ITPR2: variants seen among roughly 807,000 people sequenced by gnomAD.
The protein encoded by ITPR2 is inositol 1,4,5-trisphosphate-gated calcium channel ITPR2.
Under a neutral mutation model 317.1 loss-of-function variants are expected in ITPR2, and 207 were observed. That is an observed-to-expected ratio of 0.65 (90% CI 0.58 to 0.73). ITPR2 has a LOEUF of 0.73. ITPR2 is among the 30% of genes least tolerant of loss of function. The probability of loss-of-function intolerance (pLI) is 0.00; values close to 1 mark genes in which losing one functional copy is unlikely to be tolerated. For missense variants in ITPR2, 2,613 were observed against 3,284.0 expected (o/e 0.80, Z 4.99); for synonymous variants, 1,156 against 1,149.1 (o/e 1.01, Z -0.12).
Position 26,483,782 on chromosome 12 carries a change from G to A in ITPR2, c.5928C>T (p.Tyr1976=), listed in dbSNP as rs774709864. The A allele has an allele frequency of 9.9e-6, 16 of 1,614,004 alleles. No individual in the cohort carries two copies. In the East Asian group the frequency reaches 3.3e-4, roughly 34 times the overall value. ...CCAGCGCTACATTCTTCTCATTGAT[G>A]TAGAGACCCAACAGGCCCAGGCCAC... The part of the protein sequence containing the change: ...TTGGLGLLGL[Y]INEKNVALVN... Residue 1976 remains tyrosine (Y), a synonymous_variant, in exon 42 of 57, where the codon TAC becomes TAT. Transcript: ENST00000381340.
chr12:26,778,247 A>C (rs753544781), intron 2 of ITPR2, among the ~76,000 whole-genome samples: 1 of 152,164 alleles, frequency 6.6e-6, no homozygotes, highest in Non-Finnish European at 1.5e-5. Context: ...TAAATCAAAA[A>C]CAATATTGCA....
chr12:26,818,120 G>A (rs1412658295), intron 1 of ITPR2, among the ~76,000 whole-genome samples: 2 of 152,124 alleles, frequency 1.3e-5, no homozygotes, highest in African/African-American at 2.4e-5. Flanking sequence ...TGTGGTTATT[G>A]TTTAGAATTT....
chr12:26,428,586 A>G (rs1361966820), intron 48 of ITPR2, among the ~76,000 whole-genome samples: 1 of 152,194 alleles, frequency 6.6e-6, no homozygotes, highest in Non-Finnish European at 1.5e-5. Flanking sequence ...ACTGCTAAAT[A>G]CACATACATA....
At chr12:26,506,930 T>C (rs961082262) in intron 37 of ITPR2, among the ~76,000 whole-genome samples, 1 of 151,082 alleles carries the variant, frequency 6.6e-6, no homozygotes, top group Non-Finnish European at 1.5e-5. Context: ...TATGTTTGAA[T>C]GTGTCATAAT....
chr12:26,517,234 G>T (rs1390140996), intron 37 of ITPR2, among the ~76,000 whole-genome samples: 1 of 152,124 alleles, frequency 6.6e-6, no homozygotes, highest in African/African-American at 2.4e-5. Flanking sequence ...ACAGCCAAAA[G>T]AAACTATCAA....
At position 26,454,402 on chromosome 12, in the gene ITPR2, CA is replaced by C. The variant is rs565235156; in HGVS notation, c.6343-10753del. 3.5e-4 allele frequency among the ~76,000 whole-genome samples: 53 copies of C among 152,206 alleles called. No individual in the cohort carries two copies. In the East Asian group the frequency reaches 8.3e-3, roughly 24 times the overall value. On this transcript the variant is annotated intron_variant, in intron 45 of 56. Transcript: ENST00000381340. ...TGTATTTTTAGTAGAGATGGGGTTT[CA>C]CCATATTGGCCAGGATGGTCTCGAG...
At chr12:26,413,499 A>C (rs1021797) in intron 51 of ITPR2, among the ~76,000 whole-genome samples, 7,304 of 152,340 alleles carry the variant, frequency 0.048, 252 homozygotes, top group South Asian at 0.091. Context: ...GAATAAACTT[A>C]GCACTATGTA....
At chr12:26,554,989 T>C (rs374270292) in intron 36 of ITPR2, among the ~76,000 whole-genome samples, 70 of 151,072 alleles carry the variant, frequency 4.6e-4, no homozygotes, top group South Asian at 2.9e-3. Context: ...TCATCAGTTG[T>C]ACACTCAGGG....
chr12:26,570,269 G>C (rs975698446), intron 34 of ITPR2, among the ~76,000 whole-genome samples: 1 of 152,182 alleles, frequency 6.6e-6, no homozygotes, highest in Non-Finnish European at 1.5e-5. Flanking sequence ...CCCAAAATTA[G>C]AATAATGCAT....
chr12:26,485,363 A>G (rs1187551686), intron 41 of ITPR2, among the ~76,000 whole-genome samples: 1 of 152,222 alleles, frequency 6.6e-6, no homozygotes, highest in Non-Finnish European at 1.5e-5. Flanking sequence ...GTTCAATCAG[A>G]TACTATCTAA....
intron 2 of ITPR2, among the ~76,000 whole-genome samples, chr12:26,727,477 G>A (rs1414131627): frequency 6.6e-6 from 1 of 152,150 alleles, no homozygotes; most frequent in East Asian, 1.9e-4. Flanking sequence ...CCTAATTAAG[G>A]TCAATTGGAA....
intron 32 of ITPR2, among the ~76,000 whole-genome samples, chr12:26,588,675 A>G (rs1056731200): frequency 3.9e-5 from 6 of 152,224 alleles, no homozygotes; most frequent in African/African-American, 7.2e-5. Context: ...TTGACTCAAT[A>G]TAAGAGTTGT....
intron 46 of ITPR2, among the ~76,000 whole-genome samples, chr12:26,440,785 G>T (rs1402652510): frequency 6.6e-6 from 1 of 152,066 alleles, no homozygotes; most frequent in Non-Finnish European, 1.5e-5. Context: ...GTGCATCAAA[G>T]AAATCATGTC....
At chr12:26,490,115 ATATT>A (rs1184727836) in intron 39 of ITPR2, among the ~76,000 whole-genome samples, 1 of 152,240 alleles carries the variant, frequency 6.6e-6, no homozygotes, top group Non-Finnish European at 1.5e-5. Flanking sequence ...TCATCAAAAA[ATATT>A]TGTTGAATGG....
chr12:26,645,284 T>G (rs1947088667), intron 21 of ITPR2, among the ~76,000 whole-genome samples: 1 of 152,222 alleles, frequency 6.6e-6, no homozygotes. Context: ...TTATGAGAAG[T>G]ACATGCTCAT....
At chr12:26,770,326 G>A (rs1455767256) in intron 2 of ITPR2, among the ~76,000 whole-genome samples, 2 of 152,056 alleles carry the variant, frequency 1.3e-5, no homozygotes, top group African/African-American at 4.8e-5. Flanking sequence ...TTTCTGGGTC[G>A]ACTGAGCTTC....
chr12:26,712,196 C>T (rs1054053650), intron 8 of ITPR2, among the ~76,000 whole-genome samples: 2 of 152,140 alleles, frequency 1.3e-5, no homozygotes, highest in Non-Finnish European at 2.9e-5. Context: ...GGTTGATTCA[C>T]AGGATTGTTG....
Position 26,494,291 on chromosome 12 carries a change from G to A in ITPR2, c.5232C>T (p.Asp1744=), listed in dbSNP as rs777463799. The A allele has an allele frequency of 1.9e-6, 3 of 1,612,550 alleles. No homozygotes were observed. Among genetic ancestry groups the A allele is most frequent in the East Asian group, 2.2e-5 (1 of 44,686 alleles). ...CTTCTTTATCCAGCAGACACTGAAT[G>A]TCTGACATTGATATCCCCATCTTAT... The part of the protein sequence containing the change: ...DSDKMGISMS[D]IQCLLDKEGA... Residue 1744 remains aspartate (D), a synonymous_variant, in exon 39 of 57, where the codon GAC becomes GAT. Coordinates refer to ENST00000381340, the MANE Select transcript of ITPR2 (RefSeq NM_002223.4).
At chr12:26,673,065 CA>C (rs1184328131) in intron 13 of ITPR2, among the ~76,000 whole-genome samples, 1 of 152,134 alleles carries the variant, frequency 6.6e-6, no homozygotes, top group Non-Finnish European at 1.5e-5. Flanking sequence ...GCTTACCAAC[CA>C]AAAAGAGTCC....
Sources: gnomAD v4.1 joint callset for allele counts (sites outside exome capture counted in the v4.1 genomes callset) on GRCh38, gnomAD v4.1.1 for gene constraint, MANE v1.5 for transcripts, NCBI Gene and HGNC (gene_info 2026-07-23, HGNC 2026-07-21) for gene names.